Variants in GRIP1 observed in about 807,000 individuals in gnomAD.
The protein encoded by GRIP1 is glutamate receptor interacting protein 1, also known as glutamate receptor-interacting protein 1.
A neutral mutation model predicts 129.9 loss-of-function variants in GRIP1; 45 were observed. The observed-to-expected ratio is 0.35, with a 90% confidence interval of 0.27 to 0.44. The LOEUF is 0.44. Ranked by LOEUF, GRIP1 falls within the 20% of genes least tolerant of loss-of-function variation. The pLI is 1.00. For synonymous variants in GRIP1, 530 were observed against 520.8 expected, an observed-to-expected ratio of 1.02 and a Z score of -0.24; for missense variants, 1,196 against 1,396.8, an observed-to-expected ratio of 0.86 and a Z score of 2.29.
chr12:66,745,090 A>G (rs1020783582), intron 1 of GRIP1, among the ~76,000 whole-genome samples: 1 of 144,292 alleles, frequency 6.9e-6, no homozygotes, highest in African/African-American at 2.5e-5. Flanking sequence ...GTCCATAGAT[A>G]ACAAGCAACA....
At chr12:66,628,161 C>G (rs954593487) in intron 1 of GRIP1, among the ~76,000 whole-genome samples, 1 of 152,182 alleles carries the variant, frequency 6.6e-6, no homozygotes, top group South Asian at 2.1e-4. Context: ...CAAATGTCAT[C>G]TCTTCAGAGC....
At chr12:66,658,754 A>G (rs1456277580) in intron 1 of GRIP1, among the ~76,000 whole-genome samples, 2 of 151,776 alleles carry the variant, frequency 1.3e-5, no homozygotes, top group Middle Eastern at 3.2e-3. Context: ...ATAAAAATAA[A>G]ATAAGATAAA....
In GRIP1 at chr12:66,615,929, G is replaced by A. The variant is rs374388379; in HGVS notation, c.56-19002C>T. Among the ~76,000 whole-genome samples, 25 of 152,318 alleles carry A rather than the reference G, an allele frequency of 1.6e-4. No individual in the cohort carries two copies. The East Asian group carries it at 2.5e-3, about 15-fold the overall frequency. ...CAAAGTGCTGGGATTACAGGCATGA[G>A]CCACTGCATCTGGCCTTAAATGGCA... On this transcript the variant is annotated intron_variant, in intron 1 of 24. Coordinates refer to ENST00000359742, the MANE Select transcript of GRIP1 (RefSeq NM_001366722.1).
intron 5 of GRIP1, among the ~76,000 whole-genome samples, chr12:66,524,429 C>G (rs2061147055): frequency 6.6e-6 from 1 of 152,126 alleles, no homozygotes; most frequent in Non-Finnish European, 1.5e-5. Flanking sequence ...TGAATGACTA[C>G]TGGGTACATA....
intron 1 of GRIP1, among the ~76,000 whole-genome samples, chr12:66,657,749 G>A (rs180854019): frequency 2.6e-5 from 4 of 152,074 alleles, no homozygotes; most frequent in East Asian, 1.9e-4. Flanking sequence ...AGCTATTCCC[G>A]CATATCTAGC....
rs779460745 is a variant in GRIP1, at chr12:66,465,316, G to A, written c.831C>T (p.Val277=). 2 of 1,613,842 alleles carry A rather than the reference G, an allele frequency of 1.2e-6. No homozygotes were observed. Among genetic ancestry groups the A allele is most frequent in the Non-Finnish European group, 8.5e-7 (1 of 1,179,762 alleles). Residue 277 remains valine, a synonymous_variant, in exon 8 of 25, where the codon GTC becomes GTT. Coordinates refer to ENST00000359742, the MANE Select transcript of GRIP1 (RefSeq NM_001366722.1). The part of the protein sequence containing the change: ...LTTSMCCNKQ[V]IVIDKIKSAS... Reference sequence around the variant, plus strand: ...CAGATTTGATTTTGTCTATGACAATGACTTGTTTGTTACAGCACATCGAGG... The same window carrying A: ...CAGATTTGATTTTGTCTATGACAATAACTTGTTTGTTACAGCACATCGAGG...
intron 1 of GRIP1, among the ~76,000 whole-genome samples, chr12:67,048,018 A>G (rs1014676353): frequency 2.0e-5 from 3 of 152,170 alleles, no homozygotes; most frequent in Non-Finnish European, 4.4e-5. Flanking sequence ...AATATGTATT[A>G]GACATTTACA....
At chr12:66,441,940 A>G (rs1306577459) in intron 13 of GRIP1, among the ~76,000 whole-genome samples, 1 of 152,136 alleles carries the variant, frequency 6.6e-6, no homozygotes, top group Non-Finnish European at 1.5e-5. Flanking sequence ...AAGTGCTATT[A>G]GCTCTGCTTC....
At chr12:66,752,842 AT>A (rs1170250365) in intron 1 of GRIP1, among the ~76,000 whole-genome samples, 1 of 152,234 alleles carries the variant, frequency 6.6e-6, no homozygotes, top group African/African-American at 2.4e-5. Context: ...ACTAAAAAAA[AT>A]AAGGCTTGAG....
intron 1 of GRIP1, among the ~76,000 whole-genome samples, chr12:66,738,695 AGT>A: frequency 6.6e-6 from 1 of 152,174 alleles, no homozygotes; most frequent in Admixed American, 6.5e-5. Context: ...CCCCAGTGAT[AGT>A]CCAGGGGACA....
intron 1 of GRIP1, among the ~76,000 whole-genome samples, chr12:66,735,945 G>A (rs2036581580): frequency 6.6e-6 from 1 of 152,086 alleles, no homozygotes; most frequent in Non-Finnish European, 1.5e-5. Context: ...GGGATATCAT[G>A]CAGCTGAATG....
At chr12:66,821,268 AAAATTTTATTTAACATTGTTT>A (rs2039312813) in intron 1 of GRIP1, among the ~76,000 whole-genome samples, 1 of 152,220 alleles carries the variant, frequency 6.6e-6, no homozygotes, top group African/African-American at 2.4e-5. Context: ...GCAAATTTAG[AAAATTTTATTTAACATTGTTT>A]TTTAGATTTA....
At chr12:66,930,297 C>A (rs1285346280) in intron 1 of GRIP1, among the ~76,000 whole-genome samples, 1 of 137,490 alleles carries the variant, frequency 7.3e-6, no homozygotes, top group African/African-American at 2.7e-5. Flanking sequence ...TGATGTTCCC[C>A]TTCCTGTGTC....
chr12:66,853,758 A>G (rs970336887), intron 1 of GRIP1, among the ~76,000 whole-genome samples: 2 of 152,144 alleles, frequency 1.3e-5, no homozygotes, highest in East Asian at 1.9e-4. Flanking sequence ...AATTAATACG[A>G]GTAAACACTA....
chr12:66,818,254 T>C (rs1170506769), intron 1 of GRIP1, among the ~76,000 whole-genome samples: 2 of 152,182 alleles, frequency 1.3e-5, no homozygotes, highest in African/African-American at 4.8e-5. Flanking sequence ...TATCAAAACA[T>C]CACATTCATT....
At chr12:66,636,178 T>A (rs4594076) in intron 1 of GRIP1, among the ~76,000 whole-genome samples, 23,788 of 152,166 alleles carry the variant, frequency 0.16, 1,922 homozygotes, top group Middle Eastern at 0.18. Flanking sequence ...ACTGTATGGT[T>A]CCATTTCTAT....
rs141586397 is a variant in GRIP1, at chr12:66,493,986, G to A, written c.724+21633C>T. On this transcript the variant is annotated intron_variant, in intron 7 of 24. Transcript: ENST00000359742. ...CAGGAATCTGTAAAGATGCCTCTGGGTATATGTAAAAAAAGAGGCAGGAGG... is the reference window on the plus strand; with the variant it reads ...CAGGAATCTGTAAAGATGCCTCTGGATATATGTAAAAAAAGAGGCAGGAGG... Among the ~76,000 whole-genome samples the A allele has an allele frequency of 6.1e-4, 93 of 152,194 alleles. 1 individual carries two copies. The highest frequency in any genetic ancestry group is 3.4e-3 in the Middle Eastern group (1 of 294).
intron 1 of GRIP1, among the ~76,000 whole-genome samples, chr12:66,701,523 G>A (rs756159042): frequency 5.8e-4 from 88 of 152,256 alleles, no homozygotes; most frequent in Middle Eastern, 3.4e-3. Flanking sequence ...AGATGTACAA[G>A]AAACATACCA....
At chr12:66,793,086 A>T (rs2038592703) in intron 1 of GRIP1, among the ~76,000 whole-genome samples, 1 of 152,174 alleles carries the variant, frequency 6.6e-6, no homozygotes, top group Non-Finnish European at 1.5e-5. Flanking sequence ...AATTCTCATG[A>T]ATTCTAGATT....
Sources: allele counts gnomAD v4.1 joint callset (sites outside exome capture counted in the v4.1 genomes callset), GRCh38; gene constraint gnomAD v4.1.1; transcripts MANE v1.5; gene names NCBI Gene and HGNC (gene_info 2026-07-23, HGNC 2026-07-21).